Variants in NRG3 observed in about 807,000 individuals in gnomAD.
NRG3 encodes neuregulin 3.
In NRG3, 31 loss-of-function variants were observed where a neutral mutation model predicts 66.9. The observed-to-expected ratio is 0.46, with a 90% CI of 0.35 to 0.63. The LOEUF (loss-of-function observed/expected upper bound fraction) is 0.63. Among genes scored for constraint, NRG3 ranks in the 20% least tolerant of loss-of-function variants. NRG3 has a pLI of 0.00. For synonymous variants in NRG3, 393 were observed against 359.4 expected (o/e 1.09, Z -1.06); for missense variants, 910 against 878.9 (o/e 1.04, Z -0.45).
At chr10:82,601,548 G>C (rs943674343) in intron 2 of NRG3, among the ~76,000 whole-genome samples, 1 of 151,782 alleles carries the variant, frequency 6.6e-6, no homozygotes, top group South Asian at 2.1e-4. Flanking sequence ...CAAAAGCTTT[G>C]CCATCTTACC....
chr10:82,024,750 A>T (rs1407720228), intron 1 of NRG3, among the ~76,000 whole-genome samples: 1 of 152,096 alleles, frequency 6.6e-6, no homozygotes, highest in African/African-American at 2.4e-5. Context: ...AAGATTGAGA[A>T]GTAGATCATT....
chr10:82,051,829 C>T (rs533075446), intron 1 of NRG3, among the ~76,000 whole-genome samples: 2 of 151,250 alleles, frequency 1.3e-5, no homozygotes, highest in South Asian at 2.1e-4. Context: ...TCTCTGCTTC[C>T]TTTACTTGAG....
chr10:82,085,943 A>G (rs755761738), intron 1 of NRG3, among the ~76,000 whole-genome samples: 2 of 152,012 alleles, frequency 1.3e-5, no homozygotes, highest in South Asian at 2.1e-4. Flanking sequence ...TGACCATCCC[A>G]TTTACCTCTT....
chr10:82,194,626 A>C (rs12220593), intron 1 of NRG3, among the ~76,000 whole-genome samples: 13,617 of 152,126 alleles, frequency 0.09, 1,081 homozygotes, highest in East Asian at 0.37. Context: ...TACACAGCTC[A>C]CTACATGAGT....
At chr10:82,597,316 A>C (rs1180651786) in intron 2 of NRG3, among the ~76,000 whole-genome samples, 2 of 152,200 alleles carry the variant, frequency 1.3e-5, no homozygotes, top group Non-Finnish European at 2.9e-5. Flanking sequence ...GCCATTTCCA[A>C]GGATGTATTA....
At chr10:82,984,282 G>T (rs1853220949) in intron 8 of NRG3, among the ~76,000 whole-genome samples, 1 of 152,198 alleles carries the variant, frequency 6.6e-6, no homozygotes, top group African/African-American at 2.4e-5. Context: ...GAACTTAGAA[G>T]ATTCTGCTAT....
At chr10:82,341,911 C>T (rs1192688541) in intron 1 of NRG3, among the ~76,000 whole-genome samples, 1 of 151,892 alleles carries the variant, frequency 6.6e-6, no homozygotes, top group Non-Finnish European at 1.5e-5. Context: ...GGATCGTTGC[C>T]TCCAGTTCCT....
At chr10:82,020,521 A>G (rs1055276624) in intron 1 of NRG3, among the ~76,000 whole-genome samples, 1 of 152,136 alleles carries the variant, frequency 6.6e-6, no homozygotes, top group Non-Finnish European at 1.5e-5. Flanking sequence ...GGGGATAGTG[A>G]GGTATACACG....
intron 2 of NRG3, among the ~76,000 whole-genome samples, chr10:82,461,078 A>G (rs185168637): frequency 1.4e-4 from 21 of 152,036 alleles, no homozygotes; most frequent in African/African-American, 5.1e-4. Context: ...CGCCACCATC[A>G]ACAATACTAC....
chr10:82,875,017 A>G (rs1591799219), intron 4 of NRG3, among the ~76,000 whole-genome samples: 1 of 152,226 alleles, frequency 6.6e-6, no homozygotes, highest in East Asian at 1.9e-4. Flanking sequence ...GTTTATAGCT[A>G]TATATTCAGA....
intron 3 of NRG3, among the ~76,000 whole-genome samples, chr10:82,777,930 A>G (rs2059968881): frequency 6.6e-6 from 1 of 152,220 alleles, no homozygotes; most frequent in Admixed American, 6.5e-5. Context: ...GAGATGCCTC[A>G]GCAGTTCAGA....
chr10:82,935,341 A>G lies in NRG3; in HGVS notation c.1055-16128A>G, dbSNP rs111248603. Among the ~76,000 whole-genome samples, 1,264 of 152,240 alleles carry G rather than the reference A, an allele frequency of 8.3e-3. 21 individuals carry two copies. The highest frequency in any genetic ancestry group is 0.029 in the African/African-American group (1,221 of 41,512). ...TTTCTTTCTTTGTTGTCTTTTCCAC[A>G]CACCTTACAGATGATCAGTATTCTA... On this transcript the variant is annotated intron_variant, in intron 4 of 8. Transcript: ENST00000372141.
In NRG3 at chr10:82,677,334, C is replaced by T. The variant is rs945385504; in HGVS notation, c.954-61243C>T. On this transcript the variant is annotated intron_variant, in intron 2 of 8. Coordinates refer to ENST00000372141, the MANE Select transcript of NRG3 (RefSeq NM_001010848.4). ...GGGATTATAGGCGCGAGCCACTACA[C>T]CTGGCCCAAAATTAGTTTCATTTGA... 3.3e-5 allele frequency among the ~76,000 whole-genome samples: 5 copies of T among 152,230 alleles called. No homozygotes were observed. The South Asian group carries it at 1.0e-3, about 32-fold the overall frequency.
intron 2 of NRG3, among the ~76,000 whole-genome samples, chr10:82,406,304 A>G (rs1258537191): frequency 6.6e-6 from 1 of 152,216 alleles, no homozygotes; most frequent in African/African-American, 2.4e-5. Context: ...CATAGAACTT[A>G]TGGGAAATAA....
chr10:82,366,917 A>C (rs1466113416), intron 2 of NRG3, among the ~76,000 whole-genome samples: 1 of 152,196 alleles, frequency 6.6e-6, no homozygotes, highest in Non-Finnish European at 1.5e-5. Flanking sequence ...TGCTTTACGA[A>C]AGCCTACAGA....
chr10:82,408,131 G>GAAAGAAAGAAAGAAAGAAAA (rs1554911302), intron 2 of NRG3, among the ~76,000 whole-genome samples: 1 of 129,760 alleles, frequency 7.7e-6, no homozygotes, highest in African/African-American at 2.9e-5. Context: ...AAGAAAGAAA[G>GAAAGAAAGAAAGAAAGAAAA]AAAGAAAGAA....
At chr10:82,092,924 T>G (rs936582207) in intron 1 of NRG3, among the ~76,000 whole-genome samples, 1 of 152,132 alleles carries the variant, frequency 6.6e-6, no homozygotes, top group African/African-American at 2.4e-5. Flanking sequence ...GGTGCAAACA[T>G]GAAGTGCATA....
At chr10:82,144,263 T>C (rs1217465713) in intron 1 of NRG3, among the ~76,000 whole-genome samples, 1 of 152,192 alleles carries the variant, frequency 6.6e-6, no homozygotes, top group Non-Finnish European at 1.5e-5. Context: ...CAAGCATTCA[T>C]CTGTTCCACA....
Position 82,579,235 on chromosome 10 carries a change from AT to A in NRG3, c.954-159332del, listed in dbSNP as rs888631176. On this transcript the variant is annotated intron_variant, in intron 2 of 8. Coordinates refer to ENST00000372141, the MANE Select transcript of NRG3 (RefSeq NM_001010848.4). ...AATTAAGGAAACTGTATACTGCAAG[AT>A]TTTTTTTTTCTACTGGATTGAAAAA... Among the ~76,000 whole-genome samples, 828 of 150,706 alleles carry A rather than the reference AT, an allele frequency of 5.5e-3. 6 individuals are homozygous for A. Among genetic ancestry groups the A allele is most frequent in the African/African-American group, 0.017 (717 of 41,186 alleles).
Sources: gnomAD v4.1 joint callset for allele counts (sites outside exome capture counted in the v4.1 genomes callset) on GRCh38, gnomAD v4.1.1 for gene constraint, MANE v1.5 for transcripts, NCBI Gene and HGNC (gene_info 2026-07-23, HGNC 2026-07-21) for gene names.